The following TAB2 variants were observed in gnomAD, a reference collection of about 807,000 sequenced individuals.
The protein encoded by TAB2 is TGF-beta activated kinase 1 (MAP3K7) binding protein 2.
Under a neutral mutation model 65.0 loss-of-function variants are expected in TAB2, and 3 were observed. The ratio of observed to expected loss-of-function variants is 0.05; its 90% CI spans 0.02 to 0.12. The LOEUF is 0.12. Ranked by LOEUF, TAB2 falls within the 10% of genes least tolerant of loss-of-function variation. TAB2 has a pLI of 1.00. For missense variants in TAB2, 623 were observed against 840.3 expected, an observed-to-expected ratio of 0.74 and a Z score of 3.20; for synonymous variants, 298 against 285.1, an observed-to-expected ratio of 1.05 and a Z score of -0.46.
Position 149,379,663 on chromosome 6 carries a change from T to TTA in TAB2, c.1603+149_1603+150dup, listed in dbSNP as rs879612471. 8.9e-5 allele frequency: 62 copies of TTA among 693,004 alleles called. 5 individuals carry two copies. The highest frequency in any genetic ancestry group is 3.2e-4 in the Admixed American group (11 of 34,726). 42.9% of individuals were successfully genotyped at this position (693,004 alleles called of 1,614,324 possible). ...GATGTTATTGTAACATTTGAGAGTATTATATGTATATACATTTTAATTTTA... is the reference window on the plus strand; with the variant it reads ...GATGTTATTGTAACATTTGAGAGTATTATATATGTATATACATTTTAATTTTA... On this transcript the variant is annotated intron_variant, in intron 3 of 6. Coordinates refer to ENST00000637181, the MANE Select transcript of TAB2 (RefSeq NM_001292034.3).
chr6:149,317,979 G>A lies in TAB2; in HGVS notation c.-126G>A. ...AGTGGGAGAGGCGGCGGCGGCGGCGGCCGAGGAGGAGGAGGGGGAAGCGGC... is the reference window on the plus strand; with the variant it reads ...AGTGGGAGAGGCGGCGGCGGCGGCGACCGAGGAGGAGGAGGGGGAAGCGGC... On this transcript the variant is annotated 5_prime_UTR_variant, in exon 1 of 7. Transcript: ENST00000637181. The surrounding 1 kb of genome is among the most constrained non-coding windows in gnomAD (Gnocchi z 4.7). 5.9e-6 allele frequency: 1 copy of A among 168,510 alleles called. No individual in the cohort carries two copies. Among genetic ancestry groups the A allele is most frequent in the Non-Finnish European group, 1.3e-5 (1 of 79,006 alleles). The allele number at this position is 168,510 out of a possible 1,614,324, so 10.4% of individuals were successfully genotyped here. A position where few individuals can be genotyped will look rare whatever the true frequency, so the allele number is the denominator to read the frequency against.
At chr6:149,390,872 G>C (rs551723237) in intron 3 of TAB2, among the ~76,000 whole-genome samples, 1 of 152,062 alleles carries the variant, frequency 6.6e-6, no homozygotes, top group African/African-American at 2.4e-5. Context: ...TGTTTTCCTT[G>C]GAATTTTTAA....
At chr6:149,222,550 G>T (rs181578503) in intron 1 of TAB2, among the ~76,000 whole-genome samples, 4 of 151,568 alleles carry the variant, frequency 2.6e-5, no homozygotes, top group Non-Finnish European at 5.9e-5. Context: ...CCTGAGAGGC[G>T]GAGGTTGCAC....
intron 1 of TAB2, among the ~76,000 whole-genome samples, chr6:149,366,782 T>A (rs894095596): frequency 6.6e-6 from 1 of 152,190 alleles, no homozygotes; most frequent in Non-Finnish European, 1.5e-5. Flanking sequence ...TGAAGAATGT[T>A]ATCATTTGTG....
chr6:149,254,037 G>GAAA (rs1777939295), intron 1 of TAB2, among the ~76,000 whole-genome samples: 3 of 129,950 alleles, frequency 2.3e-5, no homozygotes, highest in African/African-American at 8.9e-5. Context: ...GAAAGAAAGA[G>GAAA]AGAAAGAAAG....
chr6:149,231,235 C>A (rs369226942), intron 1 of TAB2, among the ~76,000 whole-genome samples: 1 of 152,192 alleles, frequency 6.6e-6, no homozygotes, highest in Non-Finnish European at 1.5e-5. Flanking sequence ...CATTTTATTA[C>A]ATATGAAAAG....
At chr6:149,288,302 T>G (rs1057332829) in intron 1 of TAB2, among the ~76,000 whole-genome samples, 6 of 152,158 alleles carry the variant, frequency 3.9e-5, no homozygotes, top group Non-Finnish European at 8.8e-5. Context: ...TCAATGCAAA[T>G]TAGCAGAGAA....
chr6:149,409,969 A>C lies in TAB2; in HGVS notation c.*250A>C, dbSNP rs990861484. On this transcript the variant is annotated 3_prime_UTR_variant, in exon 7 of 7. Transcript: ENST00000637181. Reference sequence around the variant, plus strand: ...GGTTGCCCACTGCCTAACTGTGTACAGTGTTACCAGTGTCCCATTATGGAT... The same window carrying C: ...GGTTGCCCACTGCCTAACTGTGTACCGTGTTACCAGTGTCCCATTATGGAT... 2 of 543,480 alleles carry C rather than the reference A, an allele frequency of 3.7e-6. No individual in the cohort carries two copies. Among genetic ancestry groups the C allele is most frequent in the Admixed American group, 6.3e-5 (2 of 31,592 alleles). 33.7% of individuals were successfully genotyped at this position (543,480 alleles called of 1,614,324 possible).
chr6:149,379,590 A>G, intron 3 of TAB2, 72 bp downstream of exon 3: 1 of 1,407,682 alleles, frequency 7.1e-7, no homozygotes, highest in Non-Finnish European at 1.0e-6. Context: ...TTCACAACAG[A>G]AATGGATGTT....
At chr6:149,292,530 A>T (rs1041591147) in intron 1 of TAB2, among the ~76,000 whole-genome samples, 2 of 152,246 alleles carry the variant, frequency 1.3e-5, no homozygotes, top group Non-Finnish European at 2.9e-5. Context: ...TGAAAAAGGG[A>T]ATGAAAGAAA....
At chr6:149,239,514 A>C (rs1440908544) in intron 1 of TAB2, among the ~76,000 whole-genome samples, 1 of 152,270 alleles carries the variant, frequency 6.6e-6, no homozygotes, top group East Asian at 1.9e-4. Context: ...CAGGCTTTCC[A>C]CAAGAAAAGC....
chr6:149,282,948 G>T (rs1239427859), intron 1 of TAB2, among the ~76,000 whole-genome samples: 2 of 152,122 alleles, frequency 1.3e-5, no homozygotes, highest in African/African-American at 2.4e-5. Context: ...TATACAACTG[G>T]CTGGGACAGC....
intron 6 of TAB2, among the ~76,000 whole-genome samples, chr6:149,406,909 G>T (rs969871291): frequency 6.6e-6 from 1 of 152,056 alleles, no homozygotes; most frequent in Non-Finnish European, 1.5e-5. Flanking sequence ...TACAGACGGG[G>T]TTTCTCCACG....
At chr6:149,249,522 C>G (rs768643165) in intron 1 of TAB2, among the ~76,000 whole-genome samples, 5 of 151,994 alleles carry the variant, frequency 3.3e-5, no homozygotes, top group Non-Finnish European at 7.4e-5. Flanking sequence ...CTCTTTCTCT[C>G]TGTCTCCCTC....
intron 1 of TAB2, among the ~76,000 whole-genome samples, chr6:149,241,117 C>G (rs1777589640): frequency 6.6e-6 from 1 of 152,116 alleles, no homozygotes; most frequent in Non-Finnish European, 1.5e-5. Flanking sequence ...CTACACACCA[C>G]AAGAAGAGGC....
chr6:149,236,526 A>G lies in TAB2; in HGVS notation c.-121+17750A>G, dbSNP rs543449881. ...ATACAACACCACATCTGAGGTTTCTACTCACTCAGTGCTTTCTGTTGGTGA... is the reference window on the plus strand; with the variant it reads ...ATACAACACCACATCTGAGGTTTCTGCTCACTCAGTGCTTTCTGTTGGTGA... On this transcript the variant is annotated intron_variant, in intron 1 of 1. Transcript: ENST00000606202. 3.3e-5 allele frequency among the ~76,000 whole-genome samples: 5 copies of G among 152,274 alleles called. No homozygotes were observed. In the East Asian group the frequency reaches 9.6e-4, roughly 29 times the overall value.
intron 1 of TAB2, among the ~76,000 whole-genome samples, chr6:149,258,893 G>T (rs765505283): frequency 6.6e-6 from 1 of 152,220 alleles, no homozygotes; most frequent in Non-Finnish European, 1.5e-5. Flanking sequence ...TAGCACAGAG[G>T]TTCAGCAGGG....
At chr6:149,335,244 T>G (rs965335591) in intron 1 of TAB2, among the ~76,000 whole-genome samples, 5 of 151,902 alleles carry the variant, frequency 3.3e-5, no homozygotes, top group African/African-American at 1.2e-4. Context: ...CTACCATCAT[T>G]ACTACCACCC....
At chr6:149,349,035 T>C (rs1327480723) in intron 1 of TAB2, among the ~76,000 whole-genome samples, 1 of 151,992 alleles carries the variant, frequency 6.6e-6, no homozygotes, top group African/African-American at 2.4e-5. Context: ...AATATGTAAA[T>C]ACTACAATGA....
Sources: allele counts gnomAD v4.1 joint callset (sites outside exome capture counted in the v4.1 genomes callset), GRCh38; gene constraint gnomAD v4.1.1; non-coding constraint Gnocchi (gnomAD v3.1); transcripts MANE v1.5; gene names NCBI Gene and HGNC (gene_info 2026-07-23, HGNC 2026-07-21).